Variants in GALNT13 observed in about 807,000 individuals in gnomAD.
The protein encoded by GALNT13 is polypeptide N-acetylgalactosaminyltransferase 13, also known as UDP-GalNAc:polypeptide N-acetylgalactosaminyltransferase 13.
Under a neutral mutation model 64.2 loss-of-function variants are expected in GALNT13, and 28 were observed. That is an observed-to-expected ratio of 0.44 (90% CI 0.32 to 0.60). GALNT13 has a LOEUF of 0.60. Among genes scored for constraint, GALNT13 ranks in the 20% least tolerant of loss-of-function variants. GALNT13 has a pLI of 0.05. For missense variants in GALNT13, 577 were observed against 669.8 expected (o/e 0.86, Z 1.53); for synonymous variants, 214 against 224.6 (o/e 0.95, Z 0.42).
chr2:153,476,318 T>A, the GALNT13 span, among the ~76,000 whole-genome samples: 1 of 152,216 alleles, frequency 6.6e-6, no homozygotes, highest in Non-Finnish European at 1.5e-5. Flanking sequence ...GAACACTTTA[T>A]TATTATTTGA....
the GALNT13 span, among the ~76,000 whole-genome samples, chr2:153,464,917 A>G: frequency 2.0e-5 from 3 of 152,154 alleles, no homozygotes; most frequent in Non-Finnish European, 4.4e-5. Context: ...CAAGAAGTAG[A>G]TAGTTACATA....
intron 11 of GALNT13, among the ~76,000 whole-genome samples, chr2:154,423,478 A>G (rs1187064877): frequency 6.6e-6 from 1 of 152,154 alleles, no homozygotes; most frequent in African/African-American, 2.4e-5. Flanking sequence ...ATCCTTGAGG[A>G]ATCACCACAC....
chr2:153,584,749 C>T, the GALNT13 span, among the ~76,000 whole-genome samples: 1 of 152,148 alleles, frequency 6.6e-6, no homozygotes, highest in Non-Finnish European at 1.5e-5. Context: ...TCTGGCATTC[C>T]AGTCCCTAGC....
chr2:154,188,742 T>C (rs1293500764), intron 4 of GALNT13, among the ~76,000 whole-genome samples: 6 of 152,084 alleles, frequency 3.9e-5, no homozygotes, highest in Non-Finnish European at 7.4e-5. Context: ...ATTTTGGAAA[T>C]AAAAATTATC....
chr2:153,112,172 A>C, the GALNT13 span, among the ~76,000 whole-genome samples: 4 of 152,112 alleles, frequency 2.6e-5, no homozygotes, highest in Admixed American at 2.0e-4. Context: ...ATCCATTCCC[A>C]GGGGAACTGA....
chr2:153,736,951 G>T, the GALNT13 span, among the ~76,000 whole-genome samples: 1 of 152,170 alleles, frequency 6.6e-6, no homozygotes, highest in Admixed American at 6.5e-5. Context: ...ATGCAGAATT[G>T]CTTCTGCCTT....
At chr2:153,445,206 A>C in the GALNT13 span, among the ~76,000 whole-genome samples, 1 of 152,176 alleles carries the variant, frequency 6.6e-6, no homozygotes, top group African/African-American at 2.4e-5. Context: ...AAATTTGTCC[A>C]TTAAAATAAC....
intron 3 of GALNT13, among the ~76,000 whole-genome samples, chr2:153,987,711 T>C (rs1481242349): frequency 1.3e-5 from 2 of 151,732 alleles, no homozygotes; most frequent in East Asian, 3.9e-4. Context: ...AAAAGGAAGA[T>C]AGTTTGCCCT....
At chr2:153,610,100 C>T in the GALNT13 span, among the ~76,000 whole-genome samples, 1 of 152,050 alleles carries the variant, frequency 6.6e-6, no homozygotes, top group African/African-American at 2.4e-5. Flanking sequence ...GTGCTCATAT[C>T]CCATCATTCA....
chr2:153,582,200 C>T, the GALNT13 span, among the ~76,000 whole-genome samples: 1 of 152,088 alleles, frequency 6.6e-6, no homozygotes, highest in Non-Finnish European at 1.5e-5. Flanking sequence ...AGCCATTTTT[C>T]AGTTTAGTTG....
the GALNT13 span, among the ~76,000 whole-genome samples, chr2:153,648,786 T>C: frequency 2.8e-4 from 43 of 152,340 alleles, no homozygotes; most frequent in Non-Finnish European, 5.4e-4. Context: ...TTGCGTATGT[T>C]GAACCAGCCT....
chr2:153,345,635 T>TTTCTTTCTTTC, the GALNT13 span, among the ~76,000 whole-genome samples: 12 of 68,806 alleles, frequency 1.7e-4, no homozygotes, highest in Non-Finnish European at 3.3e-4. Context: ...TTTCCTTTCT[T>TTTCTTTCTTTC]TTTCTTTCTT....
At chr2:153,364,622 A>G in the GALNT13 span, among the ~76,000 whole-genome samples, 71 of 152,238 alleles carry the variant, frequency 4.7e-4, no homozygotes, top group Non-Finnish European at 1.8e-4. Context: ...TCATGAATGG[A>G]CTCTCATTCA....
chr2:154,288,476 C>T (rs1346339983), intron 8 of GALNT13, among the ~76,000 whole-genome samples: 1 of 152,142 alleles, frequency 6.6e-6, no homozygotes, highest in Non-Finnish European at 1.5e-5. Flanking sequence ...CTCAAAAGTC[C>T]ACAGTCCAAA....
intron 9 of GALNT13, among the ~76,000 whole-genome samples, chr2:154,362,289 GCTT>G (rs1473101012): frequency 8.0e-6 from 1 of 124,540 alleles, no homozygotes; most frequent in Non-Finnish European, 1.6e-5. Flanking sequence ...CTAGTTTCTC[GCTT>G]CTTGAGTCTG....
intron 3 of GALNT13, among the ~76,000 whole-genome samples, chr2:154,014,635 C>CTTTTTTTTTTTTTTTTTTTTT (rs60950180): frequency 1.0e-4 from 8 of 77,220 alleles, no homozygotes; most frequent in Non-Finnish European, 1.3e-4. Context: ...GATAATTCTC[C>CTTTTTTTTTTTTTTTTTTTTT]TTTTTTTTTT....
the GALNT13 span, among the ~76,000 whole-genome samples, chr2:153,482,992 C>G: frequency 6.6e-6 from 1 of 152,102 alleles, no homozygotes; most frequent in Non-Finnish European, 1.5e-5. Context: ...AAATTTTATT[C>G]AATAGTTTTC....
At chr2:153,410,502 C>T in the GALNT13 span, among the ~76,000 whole-genome samples, 1 of 152,046 alleles carries the variant, frequency 6.6e-6, no homozygotes, top group East Asian at 1.9e-4. Flanking sequence ...GTTTTCCAAG[C>T]CCAAATCACT....
the GALNT13 span, chr2:153,159,247 C>A: frequency 4.3e-4 from 66 of 152,246 alleles, no homozygotes; most frequent in Admixed American, 2.0e-3. Context: ...TCTACCATAC[C>A]AGTAGTAGAG....
Sources: allele counts gnomAD v4.1 joint callset (sites outside exome capture counted in the v4.1 genomes callset), GRCh38; gene constraint gnomAD v4.1.1; transcripts MANE v1.5; gene names NCBI Gene and HGNC (gene_info 2026-07-23, HGNC 2026-07-21).